The following SLIT3 variants were observed in gnomAD, a reference collection of about 807,000 sequenced individuals.
The protein encoded by SLIT3 is slit guidance ligand 3, also known as slit homolog 3 protein.
Under a neutral mutation model 184.0 loss-of-function variants are expected in SLIT3, and 68 were observed. The observed-to-expected ratio is 0.37, with a 90% confidence interval of 0.30 to 0.45. The LOEUF (loss-of-function observed/expected upper bound fraction) is 0.45. SLIT3 is among the 20% of genes least tolerant of loss of function. The pLI, the probability that SLIT3 is intolerant of heterozygous loss-of-function variation, is 1.00. For synonymous variants in SLIT3, 831 were observed against 828.6 expected, an observed-to-expected ratio of 1.00 and a Z score of -0.05; for missense variants, 1,707 against 2,026.0, an observed-to-expected ratio of 0.84 and a Z score of 3.02.
At chr5:169,287,017 A>G (rs1325443657) in intron 1 of SLIT3, among the ~76,000 whole-genome samples, 1 of 152,246 alleles carries the variant, frequency 6.6e-6, no homozygotes, top group Non-Finnish European at 1.5e-5. Context: ...CAAGGAGGGC[A>G]CACGGCAGGG....
chr5:169,181,331 A>T (rs1763145869), intron 4 of SLIT3, among the ~76,000 whole-genome samples: 1 of 152,198 alleles, frequency 6.6e-6, no homozygotes, highest in Non-Finnish European at 1.5e-5. Flanking sequence ...TGCTTTTAAC[A>T]AAAAGGAGTC....
chr5:169,295,095 C>T (rs1187623634), intron 1 of SLIT3, among the ~76,000 whole-genome samples: 1 of 152,152 alleles, frequency 6.6e-6, no homozygotes, highest in Non-Finnish European at 1.5e-5. Flanking sequence ...AACACTATAC[C>T]CTTAGGCTGT....
chr5:169,286,637 G>A (rs574658846), intron 1 of SLIT3, among the ~76,000 whole-genome samples: 19 of 152,268 alleles, frequency 1.2e-4, no homozygotes, highest in South Asian at 1.2e-3. Context: ...CGGCCAGGTC[G>A]CCAAATTCCC....
chr5:168,774,139 G>T, intron 13 of SLIT3, 96 bp downstream of exon 13: 1 of 1,216,438 alleles, frequency 8.2e-7, no homozygotes, highest in Non-Finnish European at 1.2e-6. Flanking sequence ...CCTCCTGGAT[G>T]TGCTCGTGCT....
rs572613189 is a variant in SLIT3 at position 168,871,773 on chromosome 5, C to T, written c.485+11492G>A. On this transcript the variant is annotated intron_variant, in intron 5 of 35. Coordinates refer to ENST00000519560, the MANE Select transcript of SLIT3 (RefSeq NM_003062.4). ...TAATAATTACTACTCTTCAAAACAACATCATAAAGGGGGATTATATTATTT... is the reference window on the plus strand; with the variant it reads ...TAATAATTACTACTCTTCAAAACAATATCATAAAGGGGGATTATATTATTT... Among the ~76,000 whole-genome samples the T allele has an allele frequency of 2.6e-5, 4 of 152,242 alleles. No homozygotes were observed. In the East Asian group the frequency reaches 7.7e-4, roughly 29 times the overall value.
Position 168,692,674 on chromosome 5 carries a change from G to A in SLIT3, c.3109C>T (p.His1037Tyr), listed in dbSNP as rs1238773527. ...TGELCDEVID[H>Y]CVPELNLCQH... Reference sequence around the variant, plus strand: ...CAGAGGTTCAGCTCAGGCACACAGTGGTCAATCACCTCGTCGCATAGCTCA... The same window carrying A: ...CAGAGGTTCAGCTCAGGCACACAGTAGTCAATCACCTCGTCGCATAGCTCA... The change falls in exon 29 of 36, where the codon CAC (histidine) becomes TAC (tyrosine). Residue 1037 changes from histidine to tyrosine, a missense_variant. Transcript: ENST00000519560. 6.2e-7 allele frequency: 1 copy of A among 1,613,990 alleles called. No individual in the cohort carries two copies. The highest frequency in any genetic ancestry group is 8.5e-7 in the Non-Finnish European group (1 of 1,179,918).
At chr5:169,260,708 T>C (rs1166482248) in intron 1 of SLIT3, among the ~76,000 whole-genome samples, 1 of 152,216 alleles carries the variant, frequency 6.6e-6, no homozygotes, top group Non-Finnish European at 1.5e-5. Context: ...TCTACCTGTT[T>C]TCTATTTCTT....
intron 13 of SLIT3, among the ~76,000 whole-genome samples, chr5:168,773,248 TGACA>T (rs1755625322): frequency 1.3e-5 from 2 of 152,110 alleles, no homozygotes; most frequent in South Asian, 4.1e-4. Context: ...ACGCCAATTC[TGACA>T]GACAAACCCA....
intron 8 of SLIT3, among the ~76,000 whole-genome samples, chr5:168,817,004 T>A (rs1253270172): frequency 6.6e-6 from 1 of 152,222 alleles, no homozygotes; most frequent in Non-Finnish European, 1.5e-5. Context: ...GTTTCCATTT[T>A]ATGTGTGGCT....
intron 32 of SLIT3, among the ~76,000 whole-genome samples, chr5:168,683,678 C>T (rs1054920100): frequency 6.6e-6 from 1 of 152,238 alleles, no homozygotes; most frequent in Non-Finnish European, 1.5e-5. Flanking sequence ...CTCGTCCCCA[C>T]TGCAGCGCGC....
Position 168,772,855 on chromosome 5 carries a change from G to T in SLIT3, c.1385C>A (p.Ala462Asp). ...GAGTCGGCGCGGGCTGCTGCAGCGG[G>T]CCCCGCTTGTCTCGATGGGGTTGTC... ...LQDNPIETSG[A>D]RCSSPRRLAN... The change falls in exon 14 of 36, where the codon GCC (alanine) becomes GAC (aspartate). Residue 462 changes from alanine (A) to aspartate (D), a missense_variant. Physicochemically the swap from Ala to Asp is moderately radical, Grantham distance 126 (BLOSUM62 -2). Coordinates refer to ENST00000519560, the MANE Select transcript of SLIT3 (RefSeq NM_003062.4). 1.9e-6 allele frequency: 3 copies of T among 1,614,096 alleles called. No homozygotes were observed. The highest frequency in any genetic ancestry group is 1.7e-6 in the Non-Finnish European group (2 of 1,180,012).
At chr5:168,825,287 T>G (rs1757661908) in intron 6 of SLIT3, among the ~76,000 whole-genome samples, 1 of 152,076 alleles carries the variant, frequency 6.6e-6, no homozygotes, top group Admixed American at 6.5e-5. Context: ...ATATTCTCCA[T>G]CCTACCCAAG....
chr5:168,934,559 G>A (rs1762092835), intron 4 of SLIT3, among the ~76,000 whole-genome samples: 1 of 152,138 alleles, frequency 6.6e-6, no homozygotes, highest in Admixed American at 6.5e-5. Flanking sequence ...AAGATGATGG[G>A]AAAGGCACGC....
chr5:169,082,265 A>G (rs1759097396), intron 4 of SLIT3, among the ~76,000 whole-genome samples: 2 of 152,128 alleles, frequency 1.3e-5, no homozygotes, highest in African/African-American at 2.4e-5. Context: ...TTTCCCACCA[A>G]TGCAACTCAC....
At chr5:168,834,059 T>C (rs1046920707) in intron 6 of SLIT3, among the ~76,000 whole-genome samples, 13 of 152,212 alleles carry the variant, frequency 8.5e-5, no homozygotes, top group Admixed American at 1.3e-4. Flanking sequence ...GTGTGCAGCA[T>C]GTGAAAACAG....
intron 4 of SLIT3, 53 bp from the exon 5 acceptor site, chr5:168,883,389 C>G: frequency 7.5e-7 from 1 of 1,336,248 alleles, no homozygotes; most frequent in South Asian, 1.2e-5. Context: ...CTGTCTTGAT[C>G]TGCATCTCAT....
chr5:168,768,193 C>T (rs770316009), intron 14 of SLIT3: 10 of 525,950 alleles, frequency 1.9e-5, no homozygotes, highest in Middle Eastern at 3.2e-4. Context: ...AACCATGTTC[C>T]GTTTCCATCG....
chr5:168,937,629 C>A (rs1171165490), intron 4 of SLIT3, among the ~76,000 whole-genome samples: 1 of 152,016 alleles, frequency 6.6e-6, no homozygotes, highest in Non-Finnish European at 1.5e-5. Context: ...AGCCTGTGAA[C>A]CTGGAAGCAA....
intron 4 of SLIT3, among the ~76,000 whole-genome samples, chr5:169,082,791 A>T (rs1444950466): frequency 1.3e-5 from 2 of 152,162 alleles, no homozygotes; most frequent in African/African-American, 4.8e-5. Flanking sequence ...TTATCTTTCG[A>T]CCTTACATGA....
Sources: allele counts gnomAD v4.1 joint callset (sites outside exome capture counted in the v4.1 genomes callset), GRCh38; gene constraint gnomAD v4.1.1; transcripts MANE v1.5; gene names NCBI Gene and HGNC (gene_info 2026-07-23, HGNC 2026-07-21).